The following APBB2 variants were observed in gnomAD, a reference collection of about 807,000 sequenced individuals.
APBB2 encodes the protein amyloid beta precursor protein binding family B member 2.
In APBB2, 38 loss-of-function variants were observed where a neutral mutation model predicts 82.5. The observed-to-expected ratio is 0.46, with a 90% CI of 0.36 to 0.60. The LOEUF is 0.60. Ranked by LOEUF, APBB2 falls within the 20% of genes least tolerant of loss-of-function variation. The pLI, the probability that APBB2 is intolerant of heterozygous loss-of-function variation, is 0.00. For synonymous variants in APBB2, 341 were observed against 368.2 expected, an observed-to-expected ratio of 0.93 and a Z score of 0.85; for missense variants, 772 against 972.3, an observed-to-expected ratio of 0.79 and a Z score of 2.74.
intron 7 of APBB2, among the ~76,000 whole-genome samples, chr4:40,944,052 C>A (rs970068171): frequency 6.6e-6 from 1 of 152,230 alleles, no homozygotes; most frequent in Admixed American, 6.5e-5. Context: ...AGTTCTAATG[C>A]CCTCATGCCT....
At chr4:41,046,576 A>T (rs1389638685) in intron 4 of APBB2, among the ~76,000 whole-genome samples, 1 of 151,098 alleles carries the variant, frequency 6.6e-6, no homozygotes, top group African/African-American at 2.4e-5. Flanking sequence ...CTCATAAAGC[A>T]GATGGTCTTC....
chr4:40,881,525 T>TTTATTTTA, intron 12 of APBB2: 1 of 215,548 alleles, frequency 4.6e-6, no homozygotes, highest in Non-Finnish European at 6.6e-6. Flanking sequence ...TATCTTTTCT[T>TTTATTTTA]TTCTTTTTCT....
chr4:41,074,608 A>ATTTT (rs370714146), intron 3 of APBB2, among the ~76,000 whole-genome samples: 2 of 136,664 alleles, frequency 1.5e-5, no homozygotes, highest in Non-Finnish European at 3.1e-5. Flanking sequence ...TATTATTATT[A>ATTTT]TTTTTTTTTT....
intron 6 of APBB2, among the ~76,000 whole-genome samples, chr4:40,974,895 T>TA (rs781009143): frequency 1.3e-5 from 2 of 152,204 alleles, no homozygotes; most frequent in Non-Finnish European, 2.9e-5. Flanking sequence ...TCTGCTTTAT[T>TA]AAAAAAAGTG....
chr4:40,989,034 C>T (rs868199678), intron 6 of APBB2, among the ~76,000 whole-genome samples: 2 of 152,100 alleles, frequency 1.3e-5, no homozygotes, highest in Admixed American at 6.6e-5. Flanking sequence ...GTGAGGATTA[C>T]AGGTGTGAGC....
At chr4:41,103,912 C>T (rs963715745) in intron 2 of APBB2, among the ~76,000 whole-genome samples, 4 of 152,164 alleles carry the variant, frequency 2.6e-5, no homozygotes, top group African/African-American at 4.8e-5. Context: ...TACAGTCCGT[C>T]CCAATAGGGA....
At position 41,198,124 on chromosome 4, in the gene APBB2, C is replaced by G; in HGVS notation, c.-417+16281G>C. 1.2e-4 allele frequency among the ~76,000 whole-genome samples: 18 copies of G among 152,304 alleles called. No homozygotes were observed. The East Asian group carries it at 2.1e-3, about 18-fold the overall frequency. ...TCCCCAAGGCCAGAGCTGATAAGAA[C>G]TAGAATTTAAACCCAAGCAGTCTGG... On this transcript the variant is annotated intron_variant, in intron 1 of 17. Coordinates refer to ENST00000508593, the MANE Select transcript of APBB2 (RefSeq NM_004307.2).
At chr4:41,202,233 C>T (rs1422207225) in intron 1 of APBB2, among the ~76,000 whole-genome samples, 3 of 152,206 alleles carry the variant, frequency 2.0e-5, no homozygotes, top group South Asian at 2.1e-4. Flanking sequence ...CCTCCCTCCC[C>T]GCAACCTCTG....
chr4:41,075,268 A>C (rs1037137304), intron 3 of APBB2, among the ~76,000 whole-genome samples: 1 of 152,254 alleles, frequency 6.6e-6, no homozygotes, highest in Non-Finnish European at 1.5e-5. Flanking sequence ...ATTTTACAGT[A>C]ATCTTTGATA....
chr4:40,958,282 T>C (rs1029256570), intron 6 of APBB2, among the ~76,000 whole-genome samples: 1 of 152,154 alleles, frequency 6.6e-6, no homozygotes, highest in African/African-American at 2.4e-5. Context: ...TGAGATGAAG[T>C]ATAACCTAAG....
At chr4:40,857,124 A>C (rs1347593596) in intron 12 of APBB2, 4 of 985,318 alleles carry the variant, frequency 4.1e-6, no homozygotes, top group Non-Finnish European at 4.8e-6. Context: ...CCGTCGCTCA[A>C]GCAGCCGCGC....
At chr4:40,839,407 G>C (rs186207001) in intron 12 of APBB2, among the ~76,000 whole-genome samples, 2 of 152,158 alleles carry the variant, frequency 1.3e-5, no homozygotes, top group Non-Finnish European at 1.5e-5. Flanking sequence ...TCTGTTAAGA[G>C]TCACATTACA....
chr4:40,919,101 T>C (rs1780619275), intron 10 of APBB2, among the ~76,000 whole-genome samples: 1 of 152,196 alleles, frequency 6.6e-6, no homozygotes, highest in Non-Finnish European at 1.5e-5. Flanking sequence ...TCAAGAGGCA[T>C]CCTTTCCATT....
At chr4:40,982,573 A>G (rs1799375411) in intron 6 of APBB2, among the ~76,000 whole-genome samples, 1 of 152,002 alleles carries the variant, frequency 6.6e-6, no homozygotes, top group African/African-American at 2.4e-5. Context: ...GTTCAAGACC[A>G]GCCTGGGGAC....
chr4:40,836,883 C>T (rs549114256), intron 12 of APBB2, among the ~76,000 whole-genome samples: 6 of 152,198 alleles, frequency 3.9e-5, no homozygotes, highest in Non-Finnish European at 8.8e-5. Context: ...TCCAAACACA[C>T]ATAAAAATTG....
intron 5 of APBB2, among the ~76,000 whole-genome samples, chr4:41,024,343 T>C (rs573325823): frequency 1.3e-5 from 2 of 152,178 alleles, no homozygotes; most frequent in Non-Finnish European, 2.9e-5. Context: ...ATTAAACTTA[T>C]GAGCTTCTGC....
At position 41,105,862 on chromosome 4, in the gene APBB2, G is replaced by A. The variant is rs189655460; in HGVS notation, c.-260-5112C>T. Among the ~76,000 whole-genome samples, 1,132 of 150,422 alleles carry A rather than the reference G, an allele frequency of 7.5e-3. 8 individuals carry two copies. The highest frequency in any genetic ancestry group is 0.013 in the Non-Finnish European group (882 of 67,678). On this transcript the variant is annotated intron_variant, in intron 2 of 17. Transcript: ENST00000508593. ...GATAGCGCCACTGCACTCCAGCCTGGGCGACAGAGCGAGACCCCGTCTCAA... is the reference window on the plus strand; with the variant it reads ...GATAGCGCCACTGCACTCCAGCCTGAGCGACAGAGCGAGACCCCGTCTCAA...
intron 16 of APBB2, among the ~76,000 whole-genome samples, chr4:40,823,048 C>T (rs1235540007): frequency 6.6e-6 from 1 of 152,154 alleles, no homozygotes; most frequent in Non-Finnish European, 1.5e-5. Context: ...GTGGTCTTTC[C>T]CTGGCAGGTG....
Position 41,065,888 on chromosome 4 carries a change from A to G in APBB2, c.-148-215T>C, listed in dbSNP as rs1476473321. 5.9e-5 allele frequency among the ~76,000 whole-genome samples: 9 copies of G among 152,264 alleles called. No homozygotes were observed. The East Asian group carries it at 1.7e-3, about 29-fold the overall frequency. On this transcript the variant is annotated intron_variant, in intron 3 of 17. Transcript: ENST00000508593. ...CTGATGATTAGCATGCAGGCCCTGC[A>G]ATAAGTGTGACAGAGGTGCAGGTCA...
Sources: allele counts gnomAD v4.1 joint callset (sites outside exome capture counted in the v4.1 genomes callset), GRCh38; gene constraint gnomAD v4.1.1; transcripts MANE v1.5; gene names NCBI Gene and HGNC (gene_info 2026-07-23, HGNC 2026-07-21).